CAMK4: variants seen among roughly 807,000 people sequenced by gnomAD.
CAMK4 encodes the protein calcium/calmodulin dependent protein kinase IV.
A neutral mutation model predicts 44.9 loss-of-function variants in CAMK4; 22 were observed. The observed-to-expected ratio is 0.49, with a 90% confidence interval of 0.35 to 0.70. The LOEUF is 0.70. CAMK4 is among the 30% of genes least tolerant of loss of function. The probability of loss-of-function intolerance (pLI) is 0.01; values close to 1 mark genes in which losing one functional copy is unlikely to be tolerated. For synonymous variants in CAMK4, 218 were observed against 215.4 expected, an observed-to-expected ratio of 1.01 and a Z score of -0.11; for missense variants, 498 against 586.8, an observed-to-expected ratio of 0.85 and a Z score of 1.56.
chr5:111,481,949 A>G (rs1445222577), intron 9 of CAMK4: 2 of 152,230 alleles, frequency 1.3e-5, no homozygotes, highest in Non-Finnish European at 2.9e-5. Context: ...GGGGGTGTCC[A>G]CAGGCAATTT....
chr5:111,359,166 A>G (rs966959779), intron 2 of CAMK4, among the ~76,000 whole-genome samples: 2 of 152,074 alleles, frequency 1.3e-5, no homozygotes, highest in African/African-American at 4.8e-5. Context: ...CAATGGTTGA[A>G]CCAATTTACA....
chr5:111,275,202 A>G (rs1750705909), intron 1 of CAMK4, among the ~76,000 whole-genome samples: 1 of 152,274 alleles, frequency 6.6e-6, no homozygotes, highest in East Asian at 1.9e-4. Context: ...TGTGGTCACT[A>G]TGCTGTGCAG....
chr5:111,275,551 TA>T (rs1319338617), intron 1 of CAMK4, among the ~76,000 whole-genome samples: 31 of 152,204 alleles, frequency 2.0e-4, no homozygotes, highest in Admixed American at 4.6e-4. Flanking sequence ...TGTCTGACAG[TA>T]ATAGACTTAG....
At chr5:111,275,875 A>C (rs556455069) in intron 1 of CAMK4, among the ~76,000 whole-genome samples, 1 of 152,298 alleles carries the variant, frequency 6.6e-6, no homozygotes, top group South Asian at 2.1e-4. Flanking sequence ...ATGTATAAAA[A>C]GAGTCACATA....
chr5:111,465,318 C>T (rs1057282562), intron 7 of CAMK4, among the ~76,000 whole-genome samples: 2 of 151,694 alleles, frequency 1.3e-5, no homozygotes, highest in Non-Finnish European at 2.9e-5. Context: ...ACAAACCCAA[C>T]TCAACCCAAG....
At chr5:111,247,094 C>G (rs990229806) in intron 1 of CAMK4, among the ~76,000 whole-genome samples, 2 of 151,674 alleles carry the variant, frequency 1.3e-5, no homozygotes, top group African/African-American at 2.4e-5. Context: ...AAAAACAGAA[C>G]CAATAAAATA....
At chr5:111,456,667 T>TTA (rs1754429407) in intron 7 of CAMK4, among the ~76,000 whole-genome samples, 3 of 150,624 alleles carry the variant, frequency 2.0e-5, no homozygotes. Flanking sequence ...GGTAAACCAT[T>TTA]AAAAAAAAGG....
At chr5:111,367,213 T>C (rs1196296075) in intron 2 of CAMK4, among the ~76,000 whole-genome samples, 2 of 150,694 alleles carry the variant, frequency 1.3e-5, no homozygotes, top group Non-Finnish European at 3.0e-5. Flanking sequence ...GGTCATCCCA[T>C]GGCAGATGGG....
rs531860462 is a variant in CAMK4, at chr5:111,486,681, T to C, written c.*2215T>C. On this transcript the variant is annotated 3_prime_UTR_variant, in exon 11 of 11. Coordinates refer to ENST00000282356, the MANE Select transcript of CAMK4 (RefSeq NM_001744.6). The stretch of plus-strand genomic sequence containing the variant: ...GGCAGTTGTTACATTATTTCAACAC[T>C]AGAGTAGGGCGGACTGCATTGTTTG... The C allele has an allele frequency of 6.6e-6, 1 of 152,082 alleles. No individual in the cohort carries two copies. Among genetic ancestry groups the C allele is most frequent in the Admixed American group, 6.6e-5 (1 of 15,266 alleles). The allele number at this position is 152,082 out of a possible 1,614,324, so 9.4% of individuals were successfully genotyped here.
chr5:111,456,585 T>G (rs558186606), intron 7 of CAMK4, among the ~76,000 whole-genome samples: 2 of 152,174 alleles, frequency 1.3e-5, no homozygotes, highest in African/African-American at 4.8e-5. Context: ...CATTTTTAAA[T>G]AGTTTTTTAG....
At chr5:111,351,414 T>A (rs1187922620) in intron 2 of CAMK4, among the ~76,000 whole-genome samples, 1 of 151,932 alleles carries the variant, frequency 6.6e-6, no homozygotes, top group South Asian at 2.1e-4. Context: ...TTTTTCTTTT[T>A]TTTTTTTTGA....
At chr5:111,313,325 C>A (rs1043382351) in intron 1 of CAMK4, among the ~76,000 whole-genome samples, 1 of 152,144 alleles carries the variant, frequency 6.6e-6, no homozygotes, top group East Asian at 1.9e-4. Context: ...GGAGTCTCTT[C>A]AGTTAACAGA....
intron 1 of CAMK4, among the ~76,000 whole-genome samples, chr5:111,295,127 A>G (rs1386907071): frequency 2.0e-5 from 3 of 152,152 alleles, no homozygotes; most frequent in Admixed American, 1.3e-4. Flanking sequence ...TCTGGCTTCA[A>G]ATTTAACTCT....
intron 7 of CAMK4, among the ~76,000 whole-genome samples, chr5:111,457,556 T>C (rs1001693933): frequency 1.2e-4 from 18 of 152,336 alleles, no homozygotes; most frequent in African/African-American, 4.3e-4. Context: ...AGATTCACTA[T>C]GCCAAAATTT....
At position 111,489,955 on chromosome 5, in the gene CAMK4, G is replaced by C. The variant is rs1488763622; in HGVS notation, c.*5489G>C. ...GTATCTGTGGCCCAGAATTTTGTTT[G>C]ATACTCTAAACAGCAATGCAAAGAC... On this transcript the variant is annotated 3_prime_UTR_variant, in exon 11 of 11. Coordinates refer to ENST00000282356, the MANE Select transcript of CAMK4 (RefSeq NM_001744.6). The C allele has an allele frequency of 6.6e-6, 1 of 152,126 alleles. No individual in the cohort carries two copies. Among genetic ancestry groups the C allele is most frequent in the Non-Finnish European group, 1.5e-5 (1 of 68,020 alleles). 9.4% of individuals were successfully genotyped at this position (152,126 alleles called of 1,614,324 possible).
chr5:111,481,273 T>G (rs565845128), intron 9 of CAMK4, among the ~76,000 whole-genome samples: 20 of 152,276 alleles, frequency 1.3e-4, no homozygotes, highest in African/African-American at 4.8e-4. Flanking sequence ...GTCAAAAATG[T>G]TGTAAGGATT....
chr5:111,289,993 C>T (rs1160888754), intron 1 of CAMK4, among the ~76,000 whole-genome samples: 2 of 152,182 alleles, frequency 1.3e-5, no homozygotes, highest in Non-Finnish European at 2.9e-5. Context: ...TATTCTATGG[C>T]AGGGTGTAAA....
At chr5:111,404,890 T>A (rs1029241255) in intron 5 of CAMK4, among the ~76,000 whole-genome samples, 1 of 151,952 alleles carries the variant, frequency 6.6e-6, no homozygotes, top group Non-Finnish European at 1.5e-5. Context: ...TAGATGACTT[T>A]TGTTGTTTGG....
chr5:111,488,360 A>C lies in CAMK4; in HGVS notation c.*3894A>C, dbSNP rs946545706. The C allele has an allele frequency of 2.0e-5, 3 of 152,236 alleles. No individual in the cohort carries two copies. In the East Asian group the frequency reaches 5.8e-4, roughly 29 times the overall value. The allele number at this position is 152,236 out of a possible 1,614,324, so 9.4% of individuals were successfully genotyped here. On this transcript the variant is annotated 3_prime_UTR_variant, in exon 11 of 11. Transcript: ENST00000282356. Reference sequence around the variant, plus strand: ...CACTGCCATTACACATGGATTTAACAAAAGACTTTTGAAAATTTTTTACAT... The same window carrying C: ...CACTGCCATTACACATGGATTTAACCAAAGACTTTTGAAAATTTTTTACAT...
Sources: allele counts gnomAD v4.1 joint callset (sites outside exome capture counted in the v4.1 genomes callset), GRCh38; gene constraint gnomAD v4.1.1; transcripts MANE v1.5; gene names NCBI Gene and HGNC (gene_info 2026-07-23, HGNC 2026-07-21).